PDZRN4: variants seen among roughly 807,000 people sequenced by gnomAD.
The protein encoded by PDZRN4 is PDZ domain containing ring finger 4, also known as PDZ domain-containing RING finger protein 4.
PDZRN4 carries 70 observed loss-of-function variants against 99.0 expected under a neutral mutation model. The ratio of observed to expected loss-of-function variants is 0.71; its 90% CI spans 0.58 to 0.86. The LOEUF (loss-of-function observed/expected upper bound fraction) is 0.86, where lower values mean the gene tolerates loss of function less well. Among genes scored for constraint, PDZRN4 ranks in the 40% least tolerant of loss-of-function variants. The probability of loss-of-function intolerance (pLI) is 0.00; values close to 1 mark genes in which losing one functional copy is unlikely to be tolerated. For missense variants in PDZRN4, 1,474 were observed against 1,331.2 expected, an observed-to-expected ratio of 1.11 and a Z score of -1.67; for synonymous variants, 551 against 501.6, an observed-to-expected ratio of 1.10 and a Z score of -1.32.
chr12:41,268,138 C>T (rs1036257687), intron 3 of PDZRN4, among the ~76,000 whole-genome samples: 30 of 152,210 alleles, frequency 2.0e-4, no homozygotes, highest in African/African-American at 6.0e-4. Context: ...TTTAACTTGG[C>T]TCCTATGTTG....
chr12:41,458,409 G>C (rs1952836645), intron 3 of PDZRN4, among the ~76,000 whole-genome samples: 1 of 152,052 alleles, frequency 6.6e-6, no homozygotes, highest in Non-Finnish European at 1.5e-5. Context: ...CGCCTGCCTT[G>C]GCCTGCCAAA....
chr12:41,535,721 A>T (rs1938737490), intron 5 of PDZRN4, among the ~76,000 whole-genome samples: 1 of 152,118 alleles, frequency 6.6e-6, no homozygotes, highest in African/African-American at 2.4e-5. Flanking sequence ...TGGGTTCATT[A>T]AAAAATGGTG....
chr12:41,503,847 A>G (rs940845669), intron 3 of PDZRN4, among the ~76,000 whole-genome samples: 2 of 152,190 alleles, frequency 1.3e-5, no homozygotes, highest in Admixed American at 1.3e-4. Flanking sequence ...TTTTCACTTT[A>G]CCTTCAGATA....
chr12:41,204,245 C>T (rs1329322637), intron 3 of PDZRN4, among the ~76,000 whole-genome samples: 1 of 151,848 alleles, frequency 6.6e-6, no homozygotes, highest in Non-Finnish European at 1.5e-5. Context: ...AAATCTATCC[C>T]CTATGTCTGT....
At chr12:41,446,303 T>C (rs932482953) in intron 3 of PDZRN4, among the ~76,000 whole-genome samples, 7 of 131,548 alleles carry the variant, frequency 5.3e-5, no homozygotes. Context: ...GAAATTAGAT[T>C]TTTTTTTTCT....
At chr12:41,326,738 G>A (rs1383005140) in intron 3 of PDZRN4, among the ~76,000 whole-genome samples, 1 of 152,144 alleles carries the variant, frequency 6.6e-6, no homozygotes, top group Non-Finnish European at 1.5e-5. Flanking sequence ...AGATGCACAT[G>A]ATAAGGTAAA....
At chr12:41,253,541 G>T (rs534968573) in intron 3 of PDZRN4, among the ~76,000 whole-genome samples, 1 of 152,116 alleles carries the variant, frequency 6.6e-6, no homozygotes. Flanking sequence ...ACTGTTACTG[G>T]GAATGTAAAT....
chr12:41,283,708 T>C (rs958535731), intron 3 of PDZRN4, among the ~76,000 whole-genome samples: 1 of 151,998 alleles, frequency 6.6e-6, no homozygotes, highest in African/African-American at 2.4e-5. Context: ...GTTCAACATA[T>C]GCAAATCAAT....
intron 3 of PDZRN4, among the ~76,000 whole-genome samples, chr12:41,259,564 A>G (rs2049591): frequency 0.17 from 25,416 of 152,166 alleles, 2,544 homozygotes; most frequent in Non-Finnish European, 0.22. Flanking sequence ...GAATTAAGTC[A>G]GTACCTGCTT....
intron 5 of PDZRN4, among the ~76,000 whole-genome samples, chr12:41,511,250 G>A (rs759416672): frequency 5.9e-5 from 9 of 151,950 alleles, no homozygotes; most frequent in Non-Finnish European, 1.0e-4. Context: ...GGCTAAGCAA[G>A]TTAACAGTAA....
At chr12:41,460,992 G>C (rs1952867733) in intron 3 of PDZRN4, among the ~76,000 whole-genome samples, 1 of 152,134 alleles carries the variant, frequency 6.6e-6, no homozygotes, top group African/African-American at 2.4e-5. Context: ...GCTGTCCTCA[G>C]ACACAGCTTT....
chr12:41,391,858 A>G (rs899783849), intron 3 of PDZRN4, among the ~76,000 whole-genome samples: 2 of 152,300 alleles, frequency 1.3e-5, no homozygotes, highest in South Asian at 4.1e-4. Context: ...AATAAGTGTC[A>G]TAGTCAAAAA....
chr12:41,234,008 G>GC (rs546465129), intron 3 of PDZRN4, among the ~76,000 whole-genome samples: 90 of 151,748 alleles, frequency 5.9e-4, no homozygotes, highest in African/African-American at 2.1e-3. Flanking sequence ...TCTCTGATTG[G>GC]CCCCCGTCAG....
intron 3 of PDZRN4, among the ~76,000 whole-genome samples, chr12:41,415,819 T>G (rs1952440344): frequency 6.6e-6 from 1 of 152,184 alleles, no homozygotes; most frequent in Non-Finnish European, 1.5e-5. Context: ...ATATGTCACA[T>G]TTTACTATCT....
intron 3 of PDZRN4, among the ~76,000 whole-genome samples, chr12:41,407,026 G>A (rs74363634): frequency 0.025 from 3,817 of 152,192 alleles, 168 homozygotes; most frequent in African/African-American, 0.088. Flanking sequence ...AGAAATGCCT[G>A]ATTGATGAGC....
chr12:41,339,982 A>G (rs1162737293), intron 3 of PDZRN4, among the ~76,000 whole-genome samples: 1 of 152,076 alleles, frequency 6.6e-6, no homozygotes, highest in Non-Finnish European at 1.5e-5. Context: ...TGGTTACACC[A>G]TAAATTAGTA....
chr12:41,205,893 CCTT>C (rs1482023221), intron 3 of PDZRN4, among the ~76,000 whole-genome samples: 2 of 151,888 alleles, frequency 1.3e-5, no homozygotes, highest in African/African-American at 4.8e-5. Flanking sequence ...TCCTTCATTA[CCTT>C]CTTCTACATT....
At chr12:41,568,329 G>C (rs953347279) in intron 9 of PDZRN4, among the ~76,000 whole-genome samples, 1 of 152,168 alleles carries the variant, frequency 6.6e-6, no homozygotes, top group African/African-American at 2.4e-5. Context: ...AAGATGACAT[G>C]ATGTAAGCCA....
chr12:41,301,424 T>G (rs1282189021), intron 3 of PDZRN4, among the ~76,000 whole-genome samples: 1 of 151,990 alleles, frequency 6.6e-6, no homozygotes, highest in Non-Finnish European at 1.5e-5. Flanking sequence ...ATGTAGCAAA[T>G]GAAATATGAC....
Sources: allele counts gnomAD v4.1 joint callset (sites outside exome capture counted in the v4.1 genomes callset), GRCh38; gene constraint gnomAD v4.1.1; transcripts MANE v1.5; gene names NCBI Gene and HGNC (gene_info 2026-07-23, HGNC 2026-07-21).